PIAS3: variants seen among roughly 807,000 people sequenced by gnomAD.
The protein encoded by PIAS3 is E3 SUMO-protein ligase PIAS3.
A neutral mutation model predicts 67.6 loss-of-function variants in PIAS3; 34 were observed. The ratio of observed to expected loss-of-function variants is 0.50; its 90% confidence interval spans 0.38 to 0.67. The LOEUF (loss-of-function observed/expected upper bound fraction) is 0.67, where lower values mean the gene tolerates loss of function less well. Ranked by LOEUF, PIAS3 falls within the 30% of genes least tolerant of loss-of-function variation. The pLI is 0.00. For synonymous variants in PIAS3, 341 were observed against 313.8 expected (o/e 1.09, Z -0.92); for missense variants, 693 against 791.6 (o/e 0.88, Z 1.49).
chr1:145,849,957 G>A, intron 13 of PIAS3: 5 of 1,423,666 alleles, frequency 3.5e-6, no homozygotes, highest in Non-Finnish European at 3.7e-6. Context: ...TGTGTGGAAT[G>A]TCCGGTTAGA....
Position 145,856,901 on chromosome 1 carries a change from G to C in PIAS3, c.130C>G (p.Leu44Val). The C allele has an allele frequency of 6.2e-7, 1 of 1,614,146 alleles. No individual in the cohort carries two copies. The highest frequency in any genetic ancestry group is 8.5e-7 in the Non-Finnish European group (1 of 1,180,002). The change falls in exon 2 of 14, where the codon CTC (leucine) becomes GTC (valine). Residue 44 changes from leucine to valine, a missense_variant. By Grantham distance (32) the Leu-to-Val change is conservative. Coordinates refer to ENST00000393045, the MANE Select transcript of PIAS3 (RefSeq NM_006099.3). ...KHELLAKALH[L>V]LKSSCAPSVQ... Reference sequence around the variant, plus strand: ...CTAGGGGCACAGCTGGACTTCAGGAGGTGCAGAGCCTTGGCCAGGAGCTCG... The same window carrying C: ...CTAGGGGCACAGCTGGACTTCAGGACGTGCAGAGCCTTGGCCAGGAGCTCG...
At position 145,853,795 on chromosome 1, in the gene PIAS3, T is replaced by C; in HGVS notation, c.984+18A>G. On this transcript the variant is annotated intron_variant, in intron 8 of 13. Transcript: ENST00000393045. ...CCAACTCCCTTCCCACCCTGTTCCCTTCTCCCCTTTTACCCACCGGGCACA... is the reference window on the plus strand; with the variant it reads ...CCAACTCCCTTCCCACCCTGTTCCCCTCTCCCCTTTTACCCACCGGGCACA... 1 of 1,613,052 alleles carries C rather than the reference T, an allele frequency of 6.2e-7. No homozygotes were observed. Among genetic ancestry groups the C allele is most frequent in the African/African-American group, 1.3e-5 (1 of 75,032 alleles).
In PIAS3 at chr1:145,850,807, G is replaced by C. The variant is rs1553734121; in HGVS notation, c.1412C>G (p.Thr471Ser). 1 of 1,614,212 alleles carries C rather than the reference G, an allele frequency of 6.2e-7. No homozygotes were observed. Among genetic ancestry groups the C allele is most frequent in the Non-Finnish European group, 8.5e-7 (1 of 1,180,028 alleles). Residue 471 changes from threonine (T) to serine (S), a missense_variant, in exon 11 of 14, where the codon ACC becomes AGC. By Grantham distance (58) the Thr-to-Ser change is moderately conservative (BLOSUM62 1). This residue lies in a region of PIAS3 where 270 missense variants were observed against 261.0 expected (regional missense o/e 1.03). Transcript: ENST00000393045. ...LPPTKKHCSVTSAAIPALPGS... is the reference protein window; with the variant it reads ...LPPTKKHCSVSSAAIPALPGS... ...AGGTAGGGCCGGGATGGCAGCTGAG[G>C]TGACAGAACAGTGCTTCTTGGTAGG...
intron 9 of PIAS3, chr1:145,851,376 C>T (rs1360898657): frequency 5.7e-6 from 3 of 524,884 alleles, no homozygotes; most frequent in African/African-American, 3.8e-5. Flanking sequence ...CAATCTGAGG[C>T]TGGGTGCAGT....
At chr1:145,858,469 A>T (rs587753165) in intron 1 of PIAS3, among the ~76,000 whole-genome samples, 1 of 133,126 alleles carries the variant, frequency 7.5e-6, no homozygotes, top group East Asian at 2.3e-4. Context: ...GCATCTCAGC[A>T]GCCTACTGGT....
At chr1:145,856,537 T>C (rs1367036322) in intron 2 of PIAS3, 52 bp downstream of exon 2, 4 of 1,593,672 alleles carry the variant, frequency 2.5e-6, no homozygotes, top group East Asian at 2.2e-5. Flanking sequence ...TAAGAAATGT[T>C]TGGGGAACAG....
At position 145,850,030 on chromosome 1, in the gene PIAS3, CAGGGGATCT is replaced by C; in HGVS notation, c.1620+193_1620+201del. ...TGAGTAGGCCAGGGCAGAAAAGTAA[CAGGGGATCT>C]AGGAAGGAGGCCTAAGTAGGAATCT... On this transcript the variant is annotated intron_variant, in intron 13 of 13. Transcript: ENST00000393045. 3 of 1,444,096 alleles carry C rather than the reference CAGGGGATCT, an allele frequency of 2.1e-6. No individual in the cohort carries two copies. In the Admixed American group the frequency reaches 8.5e-5, roughly 41 times the overall value. 89.5% of individuals were successfully genotyped at this position (1,444,096 alleles called of 1,614,324 possible). A position where few individuals can be genotyped will look rare whatever the true frequency, so the allele number is the denominator to read the frequency against.
chr1:145,854,792 GT>G lies in PIAS3; in HGVS notation c.757del (p.Thr253LeufsTer25). The G allele has an allele frequency of 6.2e-7, 1 of 1,614,224 alleles. No individual in the cohort carries two copies. The highest frequency in any genetic ancestry group is 1.1e-5 in the South Asian group (1 of 91,088). On this transcript the variant is annotated frameshift_variant, in exon 6 of 14. Transcript: ENST00000393045. LOFTEE classifies it high-confidence loss of function. ...ATTGACCACAATGGTGTTGGGAACAGTGGCTGAGAGTCGAGCCAGGGGTGTG... is the reference window on the plus strand; with the variant it reads ...ATTGACCACAATGGTGTTGGGAACAGGGCTGAGAGTCGAGCCAGGGGTGTG... ...NITPLARLSA[T>X]VPNTIVVNWS...
chr1:145,856,066 A>G lies in PIAS3; in HGVS notation c.578+2T>C. ...CAGGATAGGCAGGGAGGATGAACTC[A>G]CCTTAGCTGCACCTGTATGGTATAA... On this transcript the variant is annotated splice_donor_variant, in intron 4 of 13. Transcript: ENST00000393045. LOFTEE classifies it high-confidence loss of function. The G allele has an allele frequency of 1.2e-6, 2 of 1,613,276 alleles. No individual in the cohort carries two copies. The highest frequency in any genetic ancestry group is 1.7e-6 in the Non-Finnish European group (2 of 1,179,290).
At chr1:145,855,623 T>A (rs1553735398) in intron 5 of PIAS3, 113 bp downstream of exon 5, 1 of 686,816 alleles carries the variant, frequency 1.5e-6, no homozygotes, top group African/African-American at 1.8e-5. Flanking sequence ...ACTGAGCACC[T>A]ACTATGTGCC....
chr1:145,857,102 C>T (rs1382437903), intron 1 of PIAS3, 96 bp from the exon 2 acceptor site: 4 of 1,025,722 alleles, frequency 3.9e-6, no homozygotes, highest in Non-Finnish European at 5.9e-6. Context: ...GTGCCTTTCT[C>T]TCCAGCACTG....
chr1:145,856,619 A>G lies in PIAS3; in HGVS notation c.412T>C (p.Tyr138His). The G allele has an allele frequency of 1.3e-6, 2 of 1,570,896 alleles. No individual in the cohort carries two copies. The highest frequency in any genetic ancestry group is 1.7e-6 in the Non-Finnish European group (2 of 1,157,716). Residue 138 changes from tyrosine (Y) to histidine (H), a missense_variant, in exon 2 of 14, where the codon TAT becomes CAT. This residue lies in a region of PIAS3 where 308 missense variants were observed against 348.8 expected (regional missense o/e 0.88). Coordinates refer to ENST00000393045, the MANE Select transcript of PIAS3 (RefSeq NM_006099.3). Reference protein sequence around the residue: ...TMKPLPFYEVYGELIRPTTLA... With the variant: ...TMKPLPFYEVHGELIRPTTLA... ...GTGGTGGGCCGGATGAGCTCCCCATAGACTTCATAGAAGGGCAATGGTTTC... is the reference window on the plus strand; with the variant it reads ...GTGGTGGGCCGGATGAGCTCCCCATGGACTTCATAGAAGGGCAATGGTTTC...
chr1:145,853,421 A>C, intron 9 of PIAS3, 83 bp downstream of exon 9: 1 of 1,196,972 alleles, frequency 8.4e-7, no homozygotes, highest in Non-Finnish European at 1.2e-6. Flanking sequence ...AAAAAAAAAA[A>C]AAGAAAAGAA....
chr1:145,854,556 G>A lies in PIAS3; in HGVS notation c.812C>T (p.Ser271Phe). The A allele has an allele frequency of 6.2e-7, 1 of 1,611,606 alleles. No homozygotes were observed. Among genetic ancestry groups the A allele is most frequent in the Non-Finnish European group, 8.5e-7 (1 of 1,177,712 alleles). ...NWSSEFGRNY[S>F]LSVYLVRQLT... ...CTGCCTCACCAGGTACACAGACAAGGAGTAATTCTACTTGGAGGCAGGGGG... is the reference window on the plus strand; with the variant it reads ...CTGCCTCACCAGGTACACAGACAAGAAGTAATTCTACTTGGAGGCAGGGGG... The change falls in exon 7 of 14, where the codon TCC becomes TTC. Residue 271 changes from serine to phenylalanine, a missense_variant. Physicochemically the swap from Ser to Phe is radical, Grantham distance 155. This residue lies in a region of PIAS3 where 308 missense variants were observed against 348.8 expected (regional missense o/e 0.88). Coordinates refer to ENST00000393045, the MANE Select transcript of PIAS3 (RefSeq NM_006099.3).
At chr1:145,854,711 A>T (rs377426297) in intron 6 of PIAS3, 35 bp downstream of exon 6, 31 of 1,614,004 alleles carry the variant, frequency 1.9e-5, no homozygotes, top group Non-Finnish European at 2.5e-5. Context: ...CACCCTCAGC[A>T]GGCTTTTCCA....
At chr1:145,850,692 G>C in intron 11 of PIAS3, 79 bp downstream of exon 11, 1 of 1,596,024 alleles carries the variant, frequency 6.3e-7, no homozygotes, top group Non-Finnish European at 8.6e-7. Flanking sequence ...CTTGCCCCAG[G>C]CTTTGTCCAA....
Position 145,850,249 on chromosome 1 carries a change from G to T in PIAS3, c.1603C>A (p.Leu535Ile). The T allele has an allele frequency of 1.2e-6, 2 of 1,614,170 alleles. No homozygotes were observed. The highest frequency in any genetic ancestry group is 1.7e-6 in the Non-Finnish European group (2 of 1,180,002). ...CCACTTACCTGACTCTCTGTCTGAAGAAATGAAAATAAATCTAAACCTGGC... is the reference window on the plus strand; with the variant it reads ...CCACTTACCTGACTCTCTGTCTGAATAAATGAAAATAAATCTAAACCTGGC... ...DIQGLDLFSF[L>I]QTESQHYGPS... The change falls in exon 13 of 14, where the codon CTT becomes ATT. Residue 535 changes from leucine (L) to isoleucine (I), a missense_variant. This residue lies in a region of PIAS3 where 270 missense variants were observed against 261.0 expected (regional missense o/e 1.03). Coordinates refer to ENST00000393045, the MANE Select transcript of PIAS3 (RefSeq NM_006099.3).
chr1:145,858,348 C>T (rs1312317100), intron 1 of PIAS3, among the ~76,000 whole-genome samples: 1 of 152,092 alleles, frequency 6.6e-6, no homozygotes, highest in Non-Finnish European at 1.5e-5. Flanking sequence ...GTTTCACATG[C>T]CTCTGCCTCT....
At chr1:145,850,693 C>T in intron 11 of PIAS3, 78 bp downstream of exon 11, 4 of 1,597,922 alleles carry the variant, frequency 2.5e-6, no homozygotes, top group Non-Finnish European at 3.4e-6. Context: ...TTGCCCCAGG[C>T]TTTGTCCAAT....
Sources: gnomAD v4.1 joint callset for allele counts (sites outside exome capture counted in the v4.1 genomes callset) on GRCh38, gnomAD v4.1.1 for gene constraint, gnomAD v4.1.1 regional missense constraint, MANE v1.5 for transcripts, NCBI Gene and HGNC (gene_info 2026-07-23, HGNC 2026-07-21) for gene names.